The following KCMF1 variants were observed in gnomAD, a reference collection of about 807,000 sequenced individuals.
KCMF1 encodes potassium channel modulatory factor 1.
Under a neutral mutation model 41.1 loss-of-function variants are expected in KCMF1, and 3 were observed. That is an observed-to-expected ratio of 0.07 (90% confidence interval 0.03 to 0.19). The LOEUF (loss-of-function observed/expected upper bound fraction) is 0.19. Ranked by LOEUF, KCMF1 falls within the 10% of genes least tolerant of loss-of-function variation. The pLI is 1.00. For synonymous variants in KCMF1, 142 were observed against 164.5 expected (o/e 0.86, Z 1.04); for missense variants, 286 against 488.9 (o/e 0.58, Z 3.91).
chr2:85,023,111 T>C (rs1239035262), intron 1 of KCMF1, among the ~76,000 whole-genome samples: 2 of 151,448 alleles, frequency 1.3e-5, no homozygotes, highest in African/African-American at 4.8e-5. Flanking sequence ...ATGGTCTCGA[T>C]CTCCTGACCT....
Position 85,027,871 on chromosome 2 carries a change from T to C in KCMF1, c.17-18T>C. 6.4e-7 allele frequency: 1 copy of C among 1,556,186 alleles called. No individual in the cohort carries two copies. Among genetic ancestry groups the C allele is most frequent in the Non-Finnish European group, 8.7e-7 (1 of 1,145,754 alleles). On this transcript the variant is annotated intron_variant, in intron 1 of 6. Coordinates refer to ENST00000409785, the MANE Select transcript of KCMF1 (RefSeq NM_020122.5). ...GGCCTTTACAACTGGTAACTAAAGATATTTCTTTTTTTTATAGGTGTCAGC... is the reference window on the plus strand; with the variant it reads ...GGCCTTTACAACTGGTAACTAAAGACATTTCTTTTTTTTATAGGTGTCAGC...
At chr2:84,974,120 G>A (rs995112084) in intron 1 of KCMF1, among the ~76,000 whole-genome samples, 6 of 152,050 alleles carry the variant, frequency 3.9e-5, no homozygotes, top group East Asian at 1.9e-4. Flanking sequence ...GAGCCACCAC[G>A]CCCAGCCTCC....
intron 1 of KCMF1, among the ~76,000 whole-genome samples, chr2:84,997,681 T>C (rs1245612553): frequency 1.3e-5 from 2 of 152,012 alleles, no homozygotes; most frequent in African/African-American, 2.4e-5. Flanking sequence ...TCTATAAGGG[T>C]TGAAAGGCCT....
chr2:84,989,531 A>G (rs1164447107), intron 1 of KCMF1, among the ~76,000 whole-genome samples: 1 of 152,170 alleles, frequency 6.6e-6, no homozygotes, highest in South Asian at 2.1e-4. Flanking sequence ...TGGAGGATGG[A>G]TCTGCAGGGA....
At chr2:85,007,101 CAAA>C (rs764401140) in intron 1 of KCMF1, among the ~76,000 whole-genome samples, 2 of 51,902 alleles carry the variant, frequency 3.9e-5, no homozygotes, top group Admixed American at 2.1e-4. Context: ...AACTCAGTCT[CAAA>C]AAAAAAAAAA....
chr2:84,988,984 C>A (rs1286641463), intron 1 of KCMF1, among the ~76,000 whole-genome samples: 1 of 152,122 alleles, frequency 6.6e-6, no homozygotes, highest in East Asian at 1.9e-4. Context: ...AATTTTCAGG[C>A]ACCACCAGAT....
rs560381275 is a variant in KCMF1, at chr2:84,990,456, G to C, written c.16+18989G>C. ...TTTAGTGGAGACTGGGGGTTGGGGG[G>C]TGGAGTAGAAATGAAACATAATTTT... On this transcript the variant is annotated intron_variant, in intron 1 of 6. Coordinates refer to ENST00000409785, the MANE Select transcript of KCMF1 (RefSeq NM_020122.5). Among the ~76,000 whole-genome samples, 117 of 152,220 alleles carry C rather than the reference G, an allele frequency of 7.7e-4. 1 individual carries two copies. The highest frequency in any genetic ancestry group is 2.7e-3 in the African/African-American group (114 of 41,518).
chr2:85,042,725 C>T (rs1042240131), intron 3 of KCMF1, among the ~76,000 whole-genome samples: 7 of 152,264 alleles, frequency 4.6e-5, no homozygotes, highest in Non-Finnish European at 7.4e-5. Context: ...ATTTGAATTT[C>T]GGAAGAGTAA....
intron 1 of KCMF1, among the ~76,000 whole-genome samples, chr2:85,021,811 G>A: frequency 6.6e-6 from 1 of 151,914 alleles, no homozygotes; most frequent in East Asian, 1.9e-4. Flanking sequence ...ATCCCATGGT[G>A]TTTTGTTTTG....
rs1675880881 is a variant in KCMF1, at chr2:85,054,342, AT to A, written c.*936del. 6.6e-6 allele frequency: 1 copy of A among 152,152 alleles called. No homozygotes were observed. The highest frequency in any genetic ancestry group is 1.5e-5 in the Non-Finnish European group (1 of 68,016). The allele number at this position is 152,152 out of a possible 1,614,324, so 9.4% of individuals were successfully genotyped here. ...CACATTCTCAATCATATTTTGCATT[AT>A]TTATGTATTTGCTTTGTAGTTTGCT... On this transcript the variant is annotated 3_prime_UTR_variant, in exon 7 of 7. Transcript: ENST00000409785.
At position 84,994,448 on chromosome 2, in the gene KCMF1, G is replaced by T. The variant is rs557259220; in HGVS notation, c.16+22981G>T. Among the ~76,000 whole-genome samples the T allele has an allele frequency of 2.8e-3, 429 of 151,926 alleles. 2 individuals carry two copies. Among genetic ancestry groups the T allele is most frequent in the African/African-American group, 9.4e-3 (389 of 41,436 alleles). ...GACGGAGGTTCGCTTTTGTTGCCCA[G>T]GCTGGAGTGCAATGGCGTGATCTCA... On this transcript the variant is annotated intron_variant, in intron 1 of 6. Transcript: ENST00000409785.
chr2:85,013,665 G>A (rs868540417), intron 1 of KCMF1, among the ~76,000 whole-genome samples: 12 of 152,020 alleles, frequency 7.9e-5, no homozygotes, highest in African/African-American at 2.9e-4. Context: ...AGGCATGGTG[G>A]CACGCACTTG....
chr2:85,057,600 A>G lies in KCMF1; in HGVS notation c.*4191A>G, dbSNP rs547867381. On this transcript the variant is annotated 3_prime_UTR_variant, in exon 7 of 7. Coordinates refer to ENST00000409785, the MANE Select transcript of KCMF1 (RefSeq NM_020122.5). Reference sequence around the variant, plus strand: ...GACTGTTTTTCTGAATAGTATAAAAATCTAATTCCCTGTGCTTATCGGCTT... The same window carrying G: ...GACTGTTTTTCTGAATAGTATAAAAGTCTAATTCCCTGTGCTTATCGGCTT... 4.6e-4 allele frequency: 70 copies of G among 152,342 alleles called. No homozygotes were observed. Among genetic ancestry groups the G allele is most frequent in the African/African-American group, 1.5e-3 (63 of 41,570 alleles). 9.4% of individuals were successfully genotyped at this position (152,342 alleles called of 1,614,324 possible).
chr2:84,975,250 A>G (rs1673515276), intron 1 of KCMF1, among the ~76,000 whole-genome samples: 1 of 152,068 alleles, frequency 6.6e-6, no homozygotes, highest in Admixed American at 6.5e-5. Context: ...TCCAAAAAAA[A>G]AAGTGGTGGT....
intron 1 of KCMF1, among the ~76,000 whole-genome samples, chr2:85,005,665 AT>A (rs1228485848): frequency 1.3e-5 from 2 of 151,964 alleles, no homozygotes; most frequent in East Asian, 1.9e-4. Flanking sequence ...TTGCTTTTTT[AT>A]TTTTTTATTT....
chr2:85,025,311 T>G (rs184928110), intron 1 of KCMF1, among the ~76,000 whole-genome samples: 10 of 152,364 alleles, frequency 6.6e-5, no homozygotes, highest in Admixed American at 2.0e-4. Flanking sequence ...GATTTATTCA[T>G]AGGCACTTTT....
At chr2:84,995,705 C>A (rs1467726349) in intron 1 of KCMF1, among the ~76,000 whole-genome samples, 1 of 152,184 alleles carries the variant, frequency 6.6e-6, no homozygotes, top group Non-Finnish European at 1.5e-5. Context: ...GTAATCCCAA[C>A]ACTGGGAGGC....
At chr2:84,974,017 C>T (rs1042639020) in intron 1 of KCMF1, among the ~76,000 whole-genome samples, 3 of 151,714 alleles carry the variant, frequency 2.0e-5, no homozygotes, top group Admixed American at 6.6e-5. Context: ...TAGTAGAGAT[C>T]GGGTTTCATC....
chr2:85,034,950 G>C, intron 2 of KCMF1, 66 bp from the exon 3 acceptor site: 1 of 1,360,784 alleles, frequency 7.3e-7, no homozygotes. Context: ...TTATTGTATC[G>C]TACGATTACA....
Sources: allele counts gnomAD v4.1 joint callset (sites outside exome capture counted in the v4.1 genomes callset), GRCh38; gene constraint gnomAD v4.1.1; transcripts MANE v1.5; gene names NCBI Gene and HGNC (gene_info 2026-07-23, HGNC 2026-07-21).